The following SCN10A variants were observed in gnomAD, a reference collection of about 807,000 sequenced individuals.
SCN10A encodes sodium voltage-gated channel alpha subunit 10.
SCN10A carries 162 observed loss-of-function variants against 170.7 expected under a neutral mutation model. The ratio of observed to expected loss-of-function variants is 0.95; its 90% CI spans 0.84 to 1.08. The LOEUF is 1.08. Among genes scored for constraint, SCN10A ranks in the 50% least tolerant of loss-of-function variants. The pLI, the probability that SCN10A is intolerant of heterozygous loss-of-function variation, is 0.00. For synonymous variants in SCN10A, 985 were observed against 904.6 expected (o/e 1.09, Z -1.59); for missense variants, 2,527 against 2,436.9 (o/e 1.04, Z -0.78).
chr3:38,804,933 T>A (rs2064396299), intron 1 of SCN10A, among the ~76,000 whole-genome samples: 1 of 152,066 alleles, frequency 6.6e-6, no homozygotes, highest in Admixed American at 6.6e-5. Context: ...GAAAGAAAAG[T>A]TTCAAGAACT....
Position 38,771,286 on chromosome 3 carries a change from T to C in SCN10A, c.592A>G (p.Thr198Ala). The change falls in exon 5 of 28, where the codon ACC becomes GCC. Residue 198 changes from threonine to alanine, a missense_variant. Transcript: ENST00000449082. ...GCATAGAGATATACTCACGCCAGGG[T>C]AATGACGCTAAAATCCAGCCAGTTC... ...PWNWLDFSVI[T>A]LAYVGTAIDL... is the part of the protein sequence containing the mutation. 2 of 1,613,960 alleles carry C rather than the reference T, an allele frequency of 1.2e-6. No individual in the cohort carries two copies. The highest frequency in any genetic ancestry group is 1.3e-5 in the African/African-American group (1 of 75,032).
At position 38,724,223 on chromosome 3, in the gene SCN10A, C is replaced by T. The variant is rs535200883; in HGVS notation, c.3229-670G>A. Among the ~76,000 whole-genome samples the T allele has an allele frequency of 7.2e-5, 11 of 152,294 alleles. No homozygotes were observed. The East Asian group carries it at 2.1e-3, about 29-fold the overall frequency. ...CAGCCCTCCCTCTTATCTTACCCTG[C>T]TGTGGTCAGCCTTGCCTAGGGCACA... On this transcript the variant is annotated intron_variant, in intron 18 of 27. Transcript: ENST00000449082.
chr3:38,716,726 A>G (rs766531730), intron 21 of SCN10A, among the ~76,000 whole-genome samples: 6 of 152,254 alleles, frequency 3.9e-5, no homozygotes, highest in Non-Finnish European at 8.8e-5. Context: ...AAAGTATGAA[A>G]GCAGGGAATA....
intron 4 of SCN10A, among the ~76,000 whole-genome samples, 198 bp from the exon 5 acceptor site, chr3:38,771,605 A>G (rs1293597612): frequency 1.3e-5 from 2 of 152,210 alleles, no homozygotes; most frequent in Non-Finnish European, 2.9e-5. Flanking sequence ...GGGCCACACA[A>G]ATAGATGGAG....
intron 25 of SCN10A, 63 bp from the exon 26 acceptor site, chr3:38,707,446 A>G: frequency 6.5e-7 from 1 of 1,537,534 alleles, no homozygotes; most frequent in Non-Finnish European, 9.0e-7. Flanking sequence ...CAAAATCAGA[A>G]CAGGCAGGAG....
intron 24 of SCN10A, among the ~76,000 whole-genome samples, chr3:38,710,503 T>C (rs923915533): frequency 5.3e-5 from 8 of 152,174 alleles, no homozygotes; most frequent in African/African-American, 9.7e-5. Flanking sequence ...CATTCCTCCC[T>C]ATGCACCTTG....
chr3:38,788,012 C>G (rs2064229293), intron 4 of SCN10A, among the ~76,000 whole-genome samples: 1 of 152,018 alleles, frequency 6.6e-6, no homozygotes. Flanking sequence ...TTTTTTATGA[C>G]TGCATAGCAT....
rs1471728649 is a variant in SCN10A at position 38,727,379 on chromosome 3, C to T, written c.2641-327G>A. On this transcript the variant is annotated intron_variant, in intron 16 of 27. Transcript: ENST00000449082. The stretch of plus-strand genomic sequence containing the variant: ...CTGCAACCACCCTCATGTGCCAAAG[C>T]CCTGGGCTCTGTTCCTGACTCTGGA... Among the ~76,000 whole-genome samples the T allele has an allele frequency of 2.6e-5, 4 of 152,234 alleles. 1 individual carries two copies. The highest frequency in any genetic ancestry group is 1.3e-4 in the Admixed American group (2 of 15,292).
At chr3:38,788,626 G>A (rs9875610) in intron 4 of SCN10A, among the ~76,000 whole-genome samples, 46,914 of 150,090 alleles carry the variant, frequency 0.31, 8,510 homozygotes, top group Admixed American at 0.42. Flanking sequence ...GTGTTGGGGG[G>A]GGGTGGGGGC....
intron 1 of SCN10A, among the ~76,000 whole-genome samples, chr3:38,805,066 G>A (rs2064396960): frequency 6.6e-6 from 1 of 152,012 alleles, no homozygotes; most frequent in Non-Finnish European, 1.5e-5. Flanking sequence ...AGGGTGTTTG[G>A]GATATTGTTG....
intron 3 of SCN10A, 56 bp downstream of exon 3, chr3:38,791,994 C>G: frequency 6.3e-7 from 1 of 1,597,638 alleles, no homozygotes; most frequent in Non-Finnish European, 8.5e-7. Flanking sequence ...AGGTACTGGA[C>G]ACAGTAGGCA....
intron 18 of SCN10A, among the ~76,000 whole-genome samples, chr3:38,723,760 G>A (rs527741146): frequency 6.6e-6 from 1 of 152,204 alleles, no homozygotes; most frequent in Non-Finnish European, 1.5e-5. Context: ...GCAATGGCCC[G>A]AGACACCGTA....
chr3:38,786,465 C>G (rs1180890350), intron 4 of SCN10A, among the ~76,000 whole-genome samples: 1 of 151,914 alleles, frequency 6.6e-6, no homozygotes, highest in Non-Finnish European at 1.5e-5. Context: ...ACATCACACA[C>G]CAGGGCCTGT....
At chr3:38,737,231 A>G (rs1242322499) in intron 15 of SCN10A, among the ~76,000 whole-genome samples, 1 of 151,736 alleles carries the variant, frequency 6.6e-6, no homozygotes, top group Non-Finnish European at 1.5e-5. Flanking sequence ...CGGCCTCCCA[A>G]AGTGCTGGGA....
intron 22 of SCN10A, among the ~76,000 whole-genome samples, chr3:38,712,950 C>T (rs910994424): frequency 2.0e-5 from 3 of 152,320 alleles, no homozygotes; most frequent in South Asian, 4.1e-4. Context: ...TTTCAATCTT[C>T]GGGTCCTAGT....
chr3:38,757,691 G>C (rs537214406), intron 8 of SCN10A, among the ~76,000 whole-genome samples: 3 of 152,130 alleles, frequency 2.0e-5, no homozygotes, highest in Non-Finnish European at 4.4e-5. Context: ...AGGAATCTGG[G>C]GGTCAGAAAG....
intron 27 of SCN10A, among the ~76,000 whole-genome samples, chr3:38,700,166 C>G (rs2063141971): frequency 6.6e-6 from 1 of 152,040 alleles, no homozygotes; most frequent in South Asian, 2.1e-4. Flanking sequence ...TCCTATTATG[C>G]TAAGTGAGAT....
chr3:38,744,883 T>G (rs1429382017), intron 13 of SCN10A, among the ~76,000 whole-genome samples: 1 of 152,254 alleles, frequency 6.6e-6, no homozygotes, highest in East Asian at 1.9e-4. Flanking sequence ...GACTATTTAT[T>G]TTCACTGTCA....
intron 20 of SCN10A, among the ~76,000 whole-genome samples, chr3:38,719,963 C>A (rs1437520253): frequency 6.6e-6 from 1 of 152,236 alleles, no homozygotes; most frequent in African/African-American, 2.4e-5. Flanking sequence ...CTGTGTCCAC[C>A]TTGGGAAATG....
Sources: allele counts gnomAD v4.1 joint callset (sites outside exome capture counted in the v4.1 genomes callset), GRCh38; gene constraint gnomAD v4.1.1; transcripts MANE v1.5; gene names NCBI Gene and HGNC (gene_info 2026-07-23, HGNC 2026-07-21).